Variants in ENPP6 observed in about 807,000 individuals in gnomAD.
ENPP6 encodes ectonucleotide pyrophosphatase/phosphodiesterase 6.
A neutral mutation model predicts 42.0 loss-of-function variants in ENPP6; 32 were observed. That is an observed-to-expected ratio of 0.76 (90% CI 0.58 to 1.02). The LOEUF (loss-of-function observed/expected upper bound fraction) is 1.02, where lower values mean the gene tolerates loss of function less well. Ranked by LOEUF, ENPP6 falls within the 50% of genes least tolerant of loss-of-function variation. The probability of loss-of-function intolerance (pLI) is 0.00; values close to 1 mark genes in which losing one functional copy is unlikely to be tolerated. For synonymous variants in ENPP6, 213 were observed against 216.0 expected (o/e 0.99, Z 0.12); for missense variants, 552 against 566.8 (o/e 0.97, Z 0.27).
intron 6 of ENPP6, among the ~76,000 whole-genome samples, chr4:184,107,643 T>C (rs1445484927): frequency 4.0e-5 from 6 of 151,628 alleles, no homozygotes; most frequent in Admixed American, 3.3e-4. Flanking sequence ...GGGCTAGGTG[T>C]GGTGGCTCAC....
chr4:184,197,406 C>T (rs1322930295), intron 1 of ENPP6, among the ~76,000 whole-genome samples: 1 of 152,180 alleles, frequency 6.6e-6, no homozygotes, highest in African/African-American at 2.4e-5. Context: ...GTAGAGTACT[C>T]AGAATAAGGT....
intron 1 of ENPP6, among the ~76,000 whole-genome samples, chr4:184,166,078 T>C (rs1457639018): frequency 1.3e-5 from 2 of 152,210 alleles, no homozygotes; most frequent in South Asian, 2.1e-4. Context: ...AGATAACCTC[T>C]GTTGGGAAAT....
intron 1 of ENPP6, among the ~76,000 whole-genome samples, chr4:184,164,943 C>T (rs1242266175): frequency 6.6e-6 from 1 of 152,212 alleles, no homozygotes; most frequent in African/African-American, 2.4e-5. Context: ...TGAACCAGCA[C>T]TCCACGCGAT....
At chr4:184,100,537 A>C (rs935826714) in intron 6 of ENPP6, among the ~76,000 whole-genome samples, 4 of 152,106 alleles carry the variant, frequency 2.6e-5, no homozygotes, top group African/African-American at 9.7e-5. Flanking sequence ...GTGAGAAAAA[A>C]GGGTAGAGGG....
chr4:184,145,201 G>A (rs974416102), intron 2 of ENPP6, among the ~76,000 whole-genome samples: 2 of 152,178 alleles, frequency 1.3e-5, no homozygotes, highest in African/African-American at 2.4e-5. Context: ...GGAACGACTC[G>A]CTCAGCCTAG....
chr4:184,126,548 C>T (rs149929827), intron 2 of ENPP6, among the ~76,000 whole-genome samples: 40 of 152,320 alleles, frequency 2.6e-4, no homozygotes, highest in Non-Finnish European at 4.6e-4. Context: ...TACACAAACT[C>T]TTCACTGAGT....
rs111906066 is a variant in ENPP6 at position 184,107,894 on chromosome 4, A to G, written c.993+4778T>C. Among the ~76,000 whole-genome samples, 1,303 of 151,570 alleles carry G rather than the reference A, an allele frequency of 8.6e-3. 21 individuals are homozygous for G. Among genetic ancestry groups the G allele is most frequent in the African/African-American group, 0.03 (1,229 of 41,196 alleles). The stretch of plus-strand genomic sequence containing the variant: ...CCCGCCATTACCCTCTAGCCTGGGC[A>G]ACAGAGCAAGACTCAGTCTCAATAA... On this transcript the variant is annotated intron_variant, in intron 6 of 7. Coordinates refer to ENST00000296741, the MANE Select transcript of ENPP6 (RefSeq NM_153343.4).
intron 1 of ENPP6, among the ~76,000 whole-genome samples, chr4:184,166,715 AGAT>A (rs373247900): frequency 0.011 from 1,683 of 152,362 alleles, 23 homozygotes; most frequent in South Asian, 0.08. Context: ...AAAAGATGGT[AGAT>A]GATATTTGGA....
chr4:184,112,563 C>G, intron 6 of ENPP6, 109 bp downstream of exon 6: 1 of 1,352,972 alleles, frequency 7.4e-7, no homozygotes, highest in Non-Finnish European at 9.9e-7. Flanking sequence ...CAAACGATGC[C>G]TAAGTGAAAA....
intron 3 of ENPP6, among the ~76,000 whole-genome samples, chr4:184,118,858 G>A (rs948514252): frequency 1.3e-5 from 2 of 152,160 alleles, no homozygotes; most frequent in African/African-American, 2.4e-5. Context: ...AGGACATGTG[G>A]CCCCCAGCAC....
chr4:184,133,485 TTATTAATTCTAAAAGTGAATTCTTTG>T (rs1370031234), intron 2 of ENPP6, among the ~76,000 whole-genome samples: 1 of 152,214 alleles, frequency 6.6e-6, no homozygotes, highest in Non-Finnish European at 1.5e-5. Context: ...AAAATGCCTC[TTATTAATTCTAAAAGTGAATTCTTTG>T]GGGTTTTTCC....
intron 5 of ENPP6, 127 bp downstream of exon 5, chr4:184,116,729 G>T: frequency 7.7e-7 from 1 of 1,304,920 alleles, no homozygotes; most frequent in Non-Finnish European, 1.1e-6. Flanking sequence ...GTGAAACTCT[G>T]CCTCAAAAAA....
intron 2 of ENPP6, among the ~76,000 whole-genome samples, chr4:184,124,807 A>G (rs1228848537): frequency 8.5e-5 from 13 of 152,214 alleles, no homozygotes; most frequent in Non-Finnish European, 2.9e-5. Context: ...AGTTCAAGCA[A>G]TGGGGTCTGA....
At chr4:184,118,358 A>G (rs1736361214) in intron 3 of ENPP6, among the ~76,000 whole-genome samples, 1 of 152,190 alleles carries the variant, frequency 6.6e-6, no homozygotes, top group Non-Finnish European at 1.5e-5. Flanking sequence ...AATAAAGTTT[A>G]CCATTGCATT....
intron 5 of ENPP6, among the ~76,000 whole-genome samples, chr4:184,113,958 T>TCTTTCTTTCTTC (rs1553995068): frequency 4.7e-5 from 7 of 147,492 alleles, no homozygotes; most frequent in African/African-American, 1.7e-4. Flanking sequence ...TTTCTTTCTT[T>TCTTTCTTTCTTC]CTTTCTCTCT....
intron 1 of ENPP6, among the ~76,000 whole-genome samples, chr4:184,178,806 C>T (rs938852356): frequency 6.6e-5 from 10 of 152,184 alleles, no homozygotes; most frequent in African/African-American, 2.2e-4. Context: ...AAATAAAATT[C>T]TGTTTGGACA....
At chr4:184,137,158 G>A (rs140650196) in intron 2 of ENPP6, among the ~76,000 whole-genome samples, 30 of 152,156 alleles carry the variant, frequency 2.0e-4, no homozygotes, top group East Asian at 1.9e-4. Flanking sequence ...GTGCAGTGGC[G>A]CAATCTCAGC....
chr4:184,200,496 T>C (rs964298331), intron 1 of ENPP6, among the ~76,000 whole-genome samples: 4 of 152,206 alleles, frequency 2.6e-5, no homozygotes, highest in Non-Finnish European at 5.9e-5. Context: ...CACACCTAGT[T>C]GGCCAGAACC....
At chr4:184,169,008 C>A (rs186064957) in intron 1 of ENPP6, among the ~76,000 whole-genome samples, 186 of 152,240 alleles carry the variant, frequency 1.2e-3, no homozygotes, top group African/African-American at 4.3e-3. Context: ...TTGACCCCAG[C>A]CCTTTCTTTC....
Sources: allele counts gnomAD v4.1 joint callset (sites outside exome capture counted in the v4.1 genomes callset), GRCh38; gene constraint gnomAD v4.1.1; transcripts MANE v1.5; gene names NCBI Gene and HGNC (gene_info 2026-07-23, HGNC 2026-07-21).